The following CAPN9 variants were observed in gnomAD, a reference collection of about 807,000 sequenced individuals.
CAPN9 encodes calpain 9, also known as calpain-9.
In CAPN9, 81 loss-of-function variants were observed where a neutral mutation model predicts 92.8. That is an observed-to-expected ratio of 0.87 (90% confidence interval 0.73 to 1.05). The LOEUF is 1.05. Among genes scored for constraint, CAPN9 ranks in the 50% least tolerant of loss-of-function variants. CAPN9 has a pLI of 0.00. For missense variants in CAPN9, 848 were observed against 866.2 expected (o/e 0.98, Z 0.26); for synonymous variants, 304 against 328.0 (o/e 0.93, Z 0.79).
At chr1:230,796,226 G>A (rs573552886) in intron 18 of CAPN9, among the ~76,000 whole-genome samples, 78 of 151,900 alleles carry the variant, frequency 5.1e-4, no homozygotes, top group Middle Eastern at 3.4e-3. Flanking sequence ...TCGGGAGGCT[G>A]AGGCAGGAGA....
intron 1 of CAPN9, among the ~76,000 whole-genome samples, chr1:230,753,569 T>C (rs1321092865): frequency 1.3e-5 from 2 of 152,090 alleles, no homozygotes; most frequent in Admixed American, 6.5e-5. Context: ...CTGAGAAGCC[T>C]GAGGAAGACA....
intron 6 of CAPN9, among the ~76,000 whole-genome samples, chr1:230,771,426 G>A (rs111904073): frequency 3.3e-5 from 5 of 152,378 alleles, no homozygotes; most frequent in African/African-American, 1.2e-4. Context: ...GGTGATTGAG[G>A]TGAACAGCAG....
intron 6 of CAPN9, 150 bp from the exon 7 acceptor site, chr1:230,771,864 T>G: frequency 1.6e-6 from 1 of 641,842 alleles, no homozygotes; most frequent in Admixed American, 2.7e-5. Flanking sequence ...ACTGGCGAAC[T>G]TCTACATACC....
chr1:230,748,862 G>A (rs1664591558), intron 1 of CAPN9, among the ~76,000 whole-genome samples: 1 of 152,092 alleles, frequency 6.6e-6, no homozygotes, highest in Admixed American at 6.5e-5. Flanking sequence ...CTCTTCAGGG[G>A]CAGGGCCAAA....
chr1:230,791,813 T>C (rs1558116623), intron 14 of CAPN9, 51 bp from the exon 15 acceptor site: 2 of 1,455,418 alleles, frequency 1.4e-6, no homozygotes, highest in Non-Finnish European at 9.7e-7. Context: ...GATGGGTACA[T>C]AGGTTTATCT....
At chr1:230,783,884 T>G (rs1315133306) in intron 11 of CAPN9, among the ~76,000 whole-genome samples, 1 of 152,214 alleles carries the variant, frequency 6.6e-6, no homozygotes, top group African/African-American at 2.4e-5. Context: ...AGTTATGGCC[T>G]AACTGTTGAC....
At chr1:230,790,356 C>T (rs928621327) in intron 14 of CAPN9, 167 bp downstream of exon 14, 11 of 973,782 alleles carry the variant, frequency 1.1e-5, no homozygotes, top group African/African-American at 1.8e-5. Flanking sequence ...ATTCCAAAAA[C>T]GATGCAGGTT....
At chr1:230,772,958 C>T (rs1395131174) in intron 7 of CAPN9, among the ~76,000 whole-genome samples, 1 of 151,972 alleles carries the variant, frequency 6.6e-6, no homozygotes, top group Non-Finnish European at 1.5e-5. Context: ...GTGGCAGGGC[C>T]TGCCTGAAGC....
Position 230,772,059 on chromosome 1 carries a change from C to T in CAPN9, c.835C>T (p.Pro279Ser), listed in dbSNP as rs375003971. The T allele has an allele frequency of 1.1e-5, 18 of 1,614,128 alleles. No individual in the cohort carries two copies. The highest frequency in any genetic ancestry group is 1.6e-4 in the Middle Eastern group (1 of 6,084). ...AATCGAGCTCATCCGAATCCGGAACCCTTGGGGCCAGGTTGAGTGGAACGG... is the reference window on the plus strand; with the variant it reads ...AATCGAGCTCATCCGAATCCGGAACTCTTGGGGCCAGGTTGAGTGGAACGG... ...QRIELIRIRNPWGQVEWNGSW... is the reference protein window; with the variant it reads ...QRIELIRIRNSWGQVEWNGSW... The change falls in exon 7 of 20, where the codon CCT becomes TCT. Residue 279 changes from proline to serine, a missense_variant. Coordinates refer to ENST00000271971, the MANE Select transcript of CAPN9 (RefSeq NM_006615.3).
At chr1:230,790,586 A>G (rs1667915822) in intron 14 of CAPN9, among the ~76,000 whole-genome samples, 1 of 145,342 alleles carries the variant, frequency 6.9e-6, no homozygotes, top group Admixed American at 6.8e-5. Context: ...CCCCAGCCCC[A>G]GGCAACCACT....
chr1:230,753,030 G>C (rs1664949519), intron 1 of CAPN9, among the ~76,000 whole-genome samples: 2 of 152,194 alleles, frequency 1.3e-5, no homozygotes, highest in Admixed American at 6.5e-5. Context: ...TCCTGCGCTA[G>C]CCAAGGTGGA....
chr1:230,799,239 G>A (rs1315629341), intron 19 of CAPN9, among the ~76,000 whole-genome samples: 1 of 152,216 alleles, frequency 6.6e-6, no homozygotes, highest in African/African-American at 2.4e-5. Context: ...GTTGATGACA[G>A]TATGTGTTTT....
intron 18 of CAPN9, 62 bp from the exon 19 acceptor site, chr1:230,798,100 G>T: frequency 7.7e-7 from 1 of 1,301,828 alleles, no homozygotes; most frequent in East Asian, 2.3e-5. Flanking sequence ...TGGTCGCTGG[G>T]AAACAAACTT....
Position 230,755,352 on chromosome 1 carries a change from C to A in CAPN9, c.229C>A (p.Pro77Thr). Residue 77 changes from proline to threonine, a missense_variant, in exon 2 of 20, where the codon CCA becomes ACA. Transcript: ENST00000271971. The stretch of plus-strand genomic sequence containing the variant: ...ATTCCTCCAGGAAATCGTGAAAAAC[C>A]CAGAATTCATTCTTGGAGGGGCCAC... ...WKRPGEIVKNPEFILGGATRT... is the reference protein window; with the variant it reads ...WKRPGEIVKNTEFILGGATRT... 1 of 1,609,960 alleles carries A rather than the reference C, an allele frequency of 6.2e-7. No homozygotes were observed. Among genetic ancestry groups the A allele is most frequent in the Non-Finnish European group, 8.5e-7 (1 of 1,178,156 alleles).
intron 8 of CAPN9, chr1:230,776,168 G>A (rs1666758381): frequency 6.6e-6 from 1 of 152,090 alleles, no homozygotes; most frequent in African/African-American, 2.4e-5. Context: ...TATATCTGTG[G>A]AGGGCCCTGT....
At chr1:230,798,012 C>T in intron 18 of CAPN9, 150 bp from the exon 19 acceptor site, 2 of 669,136 alleles carry the variant, frequency 3.0e-6, no homozygotes, top group East Asian at 2.6e-5. Flanking sequence ...GATGAGAGTC[C>T]CATCGCCGCC....
intron 14 of CAPN9, among the ~76,000 whole-genome samples, chr1:230,790,728 T>C (rs1046917282): frequency 4.6e-5 from 7 of 152,220 alleles, no homozygotes; most frequent in African/African-American, 1.7e-4. Context: ...ATCACCTAGG[T>C]CAGGAGTTCA....
At chr1:230,754,612 G>A (rs1665100953) in intron 1 of CAPN9, among the ~76,000 whole-genome samples, 1 of 148,208 alleles carries the variant, frequency 6.7e-6, no homozygotes, top group African/African-American at 2.5e-5. Context: ...GACCAGCCTG[G>A]GCAACATAGC....
chr1:230,759,566 T>C lies in CAPN9; in HGVS notation c.338T>C (p.Leu113Pro), dbSNP rs778727847. 5 of 1,611,820 alleles carry C rather than the reference T, an allele frequency of 3.1e-6. No individual in the cohort carries two copies. In the South Asian group the frequency reaches 5.5e-5, roughly 18 times the overall value. The change falls in exon 3 of 20, where the codon CTG becomes CCG. Residue 113 changes from leucine to proline, a missense_variant. Transcript: ENST00000271971. ...TCCCTTACGCTTAATCAAAAAGCAC[T>C]GGCCAGAGTCATCCCCCAGGACCAA... The part of the protein sequence containing the change: ...IASLTLNQKA[L>P]ARVIPQDQSF...
Sources: allele counts gnomAD v4.1 joint callset (sites outside exome capture counted in the v4.1 genomes callset), GRCh38; gene constraint gnomAD v4.1.1; transcripts MANE v1.5; gene names NCBI Gene and HGNC (gene_info 2026-07-23, HGNC 2026-07-21).